NFATC2: variants seen among roughly 807,000 people sequenced by gnomAD.
NFATC2 encodes the protein nuclear factor of activated T cells 2, also known as nuclear factor of activated T-cells, cytoplasmic 2.
NFATC2 carries 22 observed loss-of-function variants against 87.3 expected under a neutral mutation model. That is an observed-to-expected ratio of 0.25 (90% CI 0.18 to 0.36). NFATC2 has a LOEUF of 0.36. Ranked by LOEUF, NFATC2 falls within the 10% of genes least tolerant of loss-of-function variation. The pLI is 1.00. For synonymous variants in NFATC2, 565 were observed against 542.2 expected (o/e 1.04, Z -0.58); for missense variants, 1,149 against 1,259.1 (o/e 0.91, Z 1.32).
rs1040787536 is a variant in NFATC2 at position 51,390,369 on chromosome 20, T to C, written c.*1127A>G. 2 of 152,240 alleles carry C rather than the reference T, an allele frequency of 1.3e-5. No homozygotes were observed. The highest frequency in any genetic ancestry group is 2.4e-5 in the African/African-American group (1 of 41,468). 9.4% of individuals were successfully genotyped at this position (152,240 alleles called of 1,614,324 possible). A position where few individuals can be genotyped will look rare whatever the true frequency, so the allele number is the denominator to read the frequency against. ...GGTAGAAACCCACCTCCAGAAGCAC[T>C]TGGGCTGTTTTACTTAACAAAAATA... is the stretch of plus-strand genomic sequence containing the variant. On this transcript the variant is annotated 3_prime_UTR_variant, in exon 11 of 11. Coordinates refer to ENST00000371564, the MANE Select transcript of NFATC2 (RefSeq NM_012340.5).
intron 9 of NFATC2, among the ~76,000 whole-genome samples, chr20:51,413,064 C>G (rs896578909): frequency 2.0e-5 from 3 of 149,798 alleles, no homozygotes; most frequent in African/African-American, 7.4e-5. Flanking sequence ...AGCCAGCTCC[C>G]GGGTTTCACA....
At chr20:51,459,236 G>C (rs1473951452) in intron 5 of NFATC2, among the ~76,000 whole-genome samples, 1 of 152,216 alleles carries the variant, frequency 6.6e-6, no homozygotes, top group African/African-American at 2.4e-5. Context: ...GGAATGAAGT[G>C]CTGGTTCCAT....
intron 1 of NFATC2, among the ~76,000 whole-genome samples, chr20:51,526,349 C>T (rs2076545660): frequency 6.6e-6 from 1 of 152,134 alleles, no homozygotes; most frequent in Non-Finnish European, 1.5e-5. Context: ...ACAGCTTGCT[C>T]CTATACTACA....
intron 3 of NFATC2, among the ~76,000 whole-genome samples, chr20:51,493,520 C>T (rs940512611): frequency 1.3e-5 from 2 of 152,150 alleles, no homozygotes; most frequent in South Asian, 2.1e-4. Context: ...AGTGAATCTA[C>T]GATAAAAGAA....
chr20:51,544,339 T>C (rs1270575548), upstream of NFATC2, among the ~76,000 whole-genome samples: 2 of 152,046 alleles, frequency 1.3e-5, no homozygotes, highest in African/African-American at 4.8e-5. Context: ...GTGTTGAGGA[T>C]GAGAAGATTA....
chr20:51,441,440 G>T (rs950234863), intron 6 of NFATC2, among the ~76,000 whole-genome samples: 1 of 151,874 alleles, frequency 6.6e-6, no homozygotes, highest in Non-Finnish European at 1.5e-5. Context: ...GTTTGGCCAG[G>T]TTCGGTGGCT....
At chr20:51,562,731 C>A, upstream of NFATC2, 3 of 1,211,550 alleles carry the variant, frequency 2.5e-6, no homozygotes, top group South Asian at 2.8e-5. The surrounding 1 kb of genome is among the most constrained non-coding windows in gnomAD (Gnocchi z 5.8). Context: ...GCCCGCGGGG[C>A]TGCCCTGGCC....
chr20:51,518,091 T>G (rs745455352), intron 2 of NFATC2, among the ~76,000 whole-genome samples: 6 of 152,206 alleles, frequency 3.9e-5, no homozygotes, highest in Non-Finnish European at 8.8e-5. Context: ...GGTAGAGATC[T>G]TCCTCTTTGC....
At position 51,397,171 on chromosome 20, in the gene NFATC2, T is replaced by C. The variant is rs114061775; in HGVS notation, c.*44+1472A>G. 9.6e-3 allele frequency among the ~76,000 whole-genome samples: 1,463 copies of C among 152,306 alleles called. 30 individuals are homozygous for C. Among genetic ancestry groups the C allele is most frequent in the African/African-American group, 0.034 (1,417 of 41,574 alleles). ...CTGGGATTACAGGCGTGAGCCACCA[T>C]GCCCAGCCCTTCCCCTCTGACTTCT... On this transcript the variant is annotated intron_variant, in intron 10 of 10. Transcript: ENST00000371564.
intron 6 of NFATC2, among the ~76,000 whole-genome samples, chr20:51,437,680 T>C (rs1983768714): frequency 6.6e-6 from 1 of 152,224 alleles, no homozygotes; most frequent in African/African-American, 2.4e-5. Flanking sequence ...CAATTAAGTC[T>C]GTAAGTCCTG....
At chr20:51,407,330 T>C (rs1489426620) in intron 9 of NFATC2, among the ~76,000 whole-genome samples, 1 of 152,206 alleles carries the variant, frequency 6.6e-6, no homozygotes, top group African/African-American at 2.4e-5. Flanking sequence ...AGTTTTATCA[T>C]TTATATTTTC....
At chr20:51,393,868 G>A (rs1291026775) in intron 10 of NFATC2, among the ~76,000 whole-genome samples, 1 of 152,140 alleles carries the variant, frequency 6.6e-6, no homozygotes, top group Non-Finnish European at 1.5e-5. Context: ...CCTCTCGAAG[G>A]GCTGTTTCCC....
At chr20:51,422,434 G>T (rs1456548030) in intron 9 of NFATC2, among the ~76,000 whole-genome samples, 2 of 152,134 alleles carry the variant, frequency 1.3e-5, no homozygotes, top group African/African-American at 4.8e-5. Context: ...GGGCAAAACA[G>T]GCCCCAGCCC....
chr20:51,553,483 G>A (rs1258013869), intron 1 of NFATC2, among the ~76,000 whole-genome samples: 1 of 152,002 alleles, frequency 6.6e-6, no homozygotes, highest in Non-Finnish European at 1.5e-5. Context: ...AGACCATCCT[G>A]GCTAACACGG....
At chr20:51,398,329 T>C (rs761112734) in intron 10 of NFATC2, among the ~76,000 whole-genome samples, 2 of 152,102 alleles carry the variant, frequency 1.3e-5, no homozygotes, top group Non-Finnish European at 2.9e-5. Context: ...CACAACAAAG[T>C]GTGCAAAACC....
At chr20:51,548,765 C>T (rs1296825249) in intron 1 of NFATC2, among the ~76,000 whole-genome samples, 1 of 152,218 alleles carries the variant, frequency 6.6e-6, no homozygotes, top group Non-Finnish European at 1.5e-5. Flanking sequence ...TGGCGCCCAA[C>T]AGAGCTTCTA....
intron 9 of NFATC2, among the ~76,000 whole-genome samples, chr20:51,406,658 C>A (rs987407729): frequency 6.6e-6 from 1 of 152,154 alleles, no homozygotes. Context: ...CACCAGCAAC[C>A]GGGGTTTCTA....
At chr20:51,459,828 G>A (rs1021070313) in intron 5 of NFATC2, among the ~76,000 whole-genome samples, 1 of 152,010 alleles carries the variant, frequency 6.6e-6, no homozygotes, top group African/African-American at 2.4e-5. Flanking sequence ...GCAGTGAGCC[G>A]AGATCACGCT....
intron 2 of NFATC2, among the ~76,000 whole-genome samples, chr20:51,517,545 T>C (rs1395599583): frequency 2.6e-5 from 4 of 151,506 alleles, no homozygotes; most frequent in Non-Finnish European, 4.4e-5. Flanking sequence ...TGAGCTGTGA[T>C]TGCACCACTG....
Sources: allele counts gnomAD v4.1 joint callset (sites outside exome capture counted in the v4.1 genomes callset), GRCh38; gene constraint gnomAD v4.1.1; non-coding constraint Gnocchi (gnomAD v3.1); transcripts MANE v1.5; gene names NCBI Gene and HGNC (gene_info 2026-07-23, HGNC 2026-07-21).